Variants in WDR17 observed in about 807,000 individuals in gnomAD.
WDR17 encodes WD repeat domain 17.
In WDR17, 143 loss-of-function variants were observed where a neutral mutation model predicts 161.7. The ratio of observed to expected loss-of-function variants is 0.88; its 90% CI spans 0.77 to 1.02. The LOEUF (loss-of-function observed/expected upper bound fraction) is 1.02, where lower values mean the gene tolerates loss of function less well. WDR17 is among the 50% of genes least tolerant of loss of function. The probability of loss-of-function intolerance (pLI) is 0.00; values close to 1 mark genes in which losing one functional copy is unlikely to be tolerated. For missense variants in WDR17, 1,469 were observed against 1,520.9 expected (o/e 0.97, Z 0.57); for synonymous variants, 517 against 515.6 (o/e 1.00, Z -0.04).
chr4:176,172,620 A>T, intron 24 of WDR17, 104 bp downstream of exon 24: 1 of 1,029,304 alleles, frequency 9.7e-7, no homozygotes, highest in East Asian at 2.6e-5. Flanking sequence ...CTATAAAGAA[A>T]TACCTGAGGC....
chr4:176,132,248 T>C (rs943824627), intron 7 of WDR17, among the ~76,000 whole-genome samples: 6 of 152,154 alleles, frequency 3.9e-5, no homozygotes, highest in Admixed American at 6.5e-5. Context: ...TTTTGTCTGG[T>C]TGTGTTCTGT....
At chr4:176,117,857 T>G (rs1355869144) in intron 3 of WDR17, among the ~76,000 whole-genome samples, 6 of 152,156 alleles carry the variant, frequency 3.9e-5, no homozygotes. Context: ...CTATTTTTGG[T>G]GATTTCCATC....
intron 1 of WDR17, among the ~76,000 whole-genome samples, chr4:176,095,166 A>G (rs563743890): frequency 2.0e-5 from 3 of 152,276 alleles, no homozygotes; most frequent in Admixed American, 6.5e-5. Flanking sequence ...TCAAAATACG[A>G]TAAGCCAGAG....
chr4:176,107,941 TCCTTA>T (rs1739046296), intron 1 of WDR17, among the ~76,000 whole-genome samples: 1 of 148,750 alleles, frequency 6.7e-6, no homozygotes, highest in Non-Finnish European at 1.5e-5. Flanking sequence ...CTTCCTTCCT[TCCTTA>T]TTTTTTTCCC....
intron 17 of WDR17, among the ~76,000 whole-genome samples, chr4:176,155,767 T>A (rs1394968910): frequency 6.8e-6 from 1 of 147,000 alleles, no homozygotes. Context: ...CTTGCTGTGT[T>A]GCCCAGGCTA....
chr4:176,126,573 T>A (rs1448240302), intron 5 of WDR17, among the ~76,000 whole-genome samples: 3 of 152,094 alleles, frequency 2.0e-5, no homozygotes, highest in Non-Finnish European at 4.4e-5. Flanking sequence ...GGGAAAAAAA[T>A]TCCACAAAAT....
Position 176,134,615 on chromosome 4 carries a change from T to A in WDR17, c.1099-493T>A, listed in dbSNP as rs75972900. 5.2e-3 allele frequency among the ~76,000 whole-genome samples: 787 copies of A among 151,812 alleles called. 10 individuals are homozygous for A. The highest frequency in any genetic ancestry group is 0.018 in the African/African-American group (745 of 41,516). On this transcript the variant is annotated intron_variant, in intron 7 of 28. Coordinates refer to ENST00000508596, the MANE Select transcript of WDR17 (RefSeq NM_181265.4). ...TTGGGGTTATGCCTGATTCTTCTGT[T>A]TCTGCCAAAATTATGAGGTGCTTTT...
chr4:176,171,738 A>G (rs1750760094), intron 23 of WDR17, among the ~76,000 whole-genome samples: 1 of 151,930 alleles, frequency 6.6e-6, no homozygotes, highest in African/African-American at 2.4e-5. Flanking sequence ...AACTTACTTG[A>G]GAGAGGATCA....
rs906593665 is a variant in WDR17 at position 176,071,463 on chromosome 4, C to G, written c.-7+5384C>G. On this transcript the variant is annotated intron_variant, in intron 1 of 28. Coordinates refer to ENST00000508596, the MANE Select transcript of WDR17 (RefSeq NM_181265.4). ...TCAGCCTCCTGAGTAGCTGGGATTA[C>G]AGGCGCAGGCCATTATGCCCAGCTA... Among the ~76,000 whole-genome samples the G allele has an allele frequency of 2.0e-5, 3 of 152,072 alleles. No individual in the cohort carries two copies. In the South Asian group the frequency reaches 6.2e-4, roughly 32 times the overall value.
intron 24 of WDR17, 106 bp downstream of exon 24, chr4:176,172,622 A>G: frequency 2.0e-6 from 2 of 1,013,364 alleles, no homozygotes; most frequent in South Asian, 1.7e-5. Flanking sequence ...ATAAAGAAAT[A>G]CCTGAGGCTG....
At chr4:176,074,600 G>C (rs1272065784) in intron 1 of WDR17, among the ~76,000 whole-genome samples, 2 of 151,628 alleles carry the variant, frequency 1.3e-5, no homozygotes. Context: ...GCGACTAGAG[G>C]TGCATGCACC....
chr4:176,136,361 A>G (rs1744403532), intron 8 of WDR17, among the ~76,000 whole-genome samples: 1 of 151,636 alleles, frequency 6.6e-6, no homozygotes, highest in Non-Finnish European at 1.5e-5. Context: ...GTCACCTTGC[A>G]CTAGAGCTCA....
chr4:176,109,755 G>A (rs1001953434), intron 1 of WDR17, among the ~76,000 whole-genome samples: 2 of 152,168 alleles, frequency 1.3e-5, no homozygotes, highest in Admixed American at 1.3e-4. Context: ...AAGGTTCAGG[G>A]TGTACACTGA....
At chr4:176,124,444 A>C (rs1353536596) in intron 4 of WDR17, among the ~76,000 whole-genome samples, 1 of 152,248 alleles carries the variant, frequency 6.6e-6, no homozygotes, top group Non-Finnish European at 1.5e-5. Flanking sequence ...AATTATAATT[A>C]TGGCAAATGG....
Position 176,110,950 on chromosome 4 carries a change from A to G in WDR17, c.-6-625A>G, listed in dbSNP as rs575325553. 1.7e-3 allele frequency among the ~76,000 whole-genome samples: 259 copies of G among 152,228 alleles called. 2 individuals carry two copies. The highest frequency in any genetic ancestry group is 2.5e-3 in the Non-Finnish European group (169 of 68,010). On this transcript the variant is annotated intron_variant, in intron 1 of 28. Transcript: ENST00000508596. ...CCACATAGACAATTTTTGTTCAGAT[A>G]CTTTTCAGCTTCTTTCTGCCCGATC...
rs374355527 is a variant in WDR17 at position 176,156,146 on chromosome 4, A to G, written c.2525+3A>G. 100 of 1,612,984 alleles carry G rather than the reference A, an allele frequency of 6.2e-5. No individual in the cohort carries two copies. The highest frequency in any genetic ancestry group is 7.7e-5 in the Non-Finnish European group (91 of 1,179,438). ...TACTGGAAGAAGTTAATGCAGAGGTAAGGCAGAGAGAGTCCGTGTTAAAAC... is the reference window on the plus strand; with the variant it reads ...TACTGGAAGAAGTTAATGCAGAGGTGAGGCAGAGAGAGTCCGTGTTAAAAC... On this transcript the variant is annotated splice_donor_region_variant and intron_variant, in intron 18 of 28. Transcript: ENST00000508596.
chr4:176,089,812 C>T lies in WDR17; in HGVS notation c.-6-21763C>T, dbSNP rs73018029. On this transcript the variant is annotated intron_variant, in intron 1 of 28. Transcript: ENST00000508596. ...TTTTGCTTCTTCCCTTTTCCTAGAA[C>T]TGGTGATTTTTCCCTGGTTCCTAGG... 4.7e-3 allele frequency among the ~76,000 whole-genome samples: 717 copies of T among 152,144 alleles called. 9 individuals are homozygous for T. Among genetic ancestry groups the T allele is most frequent in the African/African-American group, 0.016 (680 of 41,506 alleles).
In WDR17 at chr4:176,172,271, A is replaced by G. The variant is rs1750839148; in HGVS notation, c.3103-104A>G. On this transcript the variant is annotated intron_variant, in intron 23 of 28. Coordinates refer to ENST00000508596, the MANE Select transcript of WDR17 (RefSeq NM_181265.4). ...TTTACATCTATTTTAGATAACTTTAATAAGAAAACCATACTAGGAAAGCTG... is the reference window on the plus strand; with the variant it reads ...TTTACATCTATTTTAGATAACTTTAGTAAGAAAACCATACTAGGAAAGCTG... 5 of 1,015,250 alleles carry G rather than the reference A, an allele frequency of 4.9e-6. No individual in the cohort carries two copies. In the Admixed American group the frequency reaches 1.2e-4, roughly 25 times the overall value. 62.9% of individuals were successfully genotyped at this position (1,015,250 alleles called of 1,614,324 possible). A position where few individuals can be genotyped will look rare whatever the true frequency, so the allele number is the denominator to read the frequency against.
chr4:176,127,904 T>A (rs1318128914), intron 5 of WDR17, among the ~76,000 whole-genome samples: 2 of 152,234 alleles, frequency 1.3e-5, no homozygotes, highest in Non-Finnish European at 2.9e-5. Context: ...AACCATTCAG[T>A]CTGTTGCCTT....
Sources: allele counts gnomAD v4.1 joint callset (sites outside exome capture counted in the v4.1 genomes callset), GRCh38; gene constraint gnomAD v4.1.1; transcripts MANE v1.5; gene names NCBI Gene and HGNC (gene_info 2026-07-23, HGNC 2026-07-21).